Variants in ENKUR observed in about 807,000 individuals in gnomAD.
The protein encoded by ENKUR is enkurin.
ENKUR carries 19 observed loss-of-function variants against 27.6 expected under a neutral mutation model. That is an observed-to-expected ratio of 0.69 (90% CI 0.48 to 1.01). The LOEUF is 1.01. ENKUR is among the 50% of genes least tolerant of loss of function. The probability of loss-of-function intolerance (pLI) is 0.00; values close to 1 mark genes in which losing one functional copy is unlikely to be tolerated. For missense variants in ENKUR, 312 were observed against 310.5 expected, an observed-to-expected ratio of 1.00 and a Z score of -0.04; for synonymous variants, 117 against 96.9, an observed-to-expected ratio of 1.21 and a Z score of -1.22.
intron 2 of ENKUR, chr10:25,023,959 G>A (rs1850781221): frequency 6.2e-7 from 1 of 1,614,078 alleles, no homozygotes; most frequent in Non-Finnish European, 8.5e-7. Context: ...TGAACAGAAG[G>A]TTTCAGCAAA....
At chr10:25,035,783 CA>C (rs1448210666) in intron 2 of ENKUR, among the ~76,000 whole-genome samples, 1 of 152,172 alleles carries the variant, frequency 6.6e-6, no homozygotes, top group Non-Finnish European at 1.5e-5. Flanking sequence ...ATCTGCCTCA[CA>C]ATAAAGAATG....
At chr10:25,029,452 T>C (rs1320163892) in intron 2 of ENKUR, among the ~76,000 whole-genome samples, 1 of 152,198 alleles carries the variant, frequency 6.6e-6, no homozygotes, top group Non-Finnish European at 1.5e-5. Context: ...TAGATTTTAA[T>C]AGCAATTCAC....
intron 4 of ENKUR, among the ~76,000 whole-genome samples, chr10:24,987,016 C>A (rs1849795345): frequency 6.6e-6 from 1 of 152,210 alleles, no homozygotes; most frequent in Non-Finnish European, 1.5e-5. Flanking sequence ...CGCCCACCCC[C>A]AAACATTCTC....
At chr10:25,017,586 C>T (rs899115015), upstream of ENKUR, among the ~76,000 whole-genome samples, 1 of 145,942 alleles carries the variant, frequency 6.9e-6, no homozygotes, top group East Asian at 2.1e-4. Context: ...TGGGCTCTTA[C>T]TGAATTTCAC....
chr10:25,013,701 G>GGGA (rs1455129333), intron 1 of ENKUR, among the ~76,000 whole-genome samples: 1 of 152,212 alleles, frequency 6.6e-6, no homozygotes, highest in Non-Finnish European at 1.5e-5. Context: ...ATAGCACTTT[G>GGGA]GGAGGCAGAG....
At chr10:25,061,819 A>G (rs868176113) in intron 1 of ENKUR, among the ~76,000 whole-genome samples, 3 of 152,108 alleles carry the variant, frequency 2.0e-5, no homozygotes, top group Admixed American at 1.3e-4. Context: ...CAGTCTGAGA[A>G]GTTAGTCTGA....
intron 3 of ENKUR, among the ~76,000 whole-genome samples, chr10:24,992,850 G>A (rs1383978756): frequency 6.6e-6 from 1 of 152,206 alleles, no homozygotes; most frequent in East Asian, 1.9e-4. Flanking sequence ...CAGTATTCTG[G>A]TCAGCTGGTG....
chr10:25,027,357 C>CAAAAAAA lies in ENKUR; in HGVS notation c.38-31495_38-31489dup, dbSNP rs71399946. ...GGGTGACAGAGCAAGACTCCCGTCTCAAAAAAAAAAAAAAAAAAAAAAAAA... is the reference window on the plus strand; with the variant it reads ...GGGTGACAGAGCAAGACTCCCGTCTCAAAAAAAAAAAAAAAAAAAAAAAAAAAAAAAA... On this transcript the variant is annotated intron_variant, in intron 2 of 5. Transcript: ENST00000615958. 1.4e-3 allele frequency among the ~76,000 whole-genome samples: 70 copies of CAAAAAAA among 48,492 alleles called. 6 individuals are homozygous for CAAAAAAA. Among genetic ancestry groups the CAAAAAAA allele is most frequent in the African/African-American group, 7.1e-3 (66 of 9,248 alleles). 31.8% of individuals were successfully genotyped at this position (48,492 alleles called of 152,430 possible). A position where few individuals can be genotyped will look rare whatever the true frequency, so the allele number is the denominator to read the frequency against.
chr10:25,016,494 G>C (rs1850578771), upstream of ENKUR, among the ~76,000 whole-genome samples: 1 of 152,222 alleles, frequency 6.6e-6, no homozygotes, highest in African/African-American at 2.4e-5. Context: ...GAGGACGCAA[G>C]GCCAGCGCCG....
Position 24,982,341 on chromosome 10 carries a change from G to C in ENKUR, c.*2029C>G, listed in dbSNP as rs2307047. Reference sequence around the variant, plus strand: ...GATCTCAGAGGTCTCTAGTACCTCAGTACTATGGGAATGCCAGTTACAGTG... The same window carrying C: ...GATCTCAGAGGTCTCTAGTACCTCACTACTATGGGAATGCCAGTTACAGTG... On this transcript the variant is annotated 3_prime_UTR_variant, in exon 6 of 6. Coordinates refer to ENST00000331161, the MANE Select transcript of ENKUR (RefSeq NM_145010.4). 6.6e-6 allele frequency: 1 copy of C among 151,306 alleles called. No individual in the cohort carries two copies. Among genetic ancestry groups the C allele is most frequent in the Non-Finnish European group, 1.5e-5 (1 of 67,830 alleles). 9.4% of individuals were successfully genotyped at this position (151,306 alleles called of 1,614,324 possible). A position where few individuals can be genotyped will look rare whatever the true frequency, so the allele number is the denominator to read the frequency against.
intron 2 of ENKUR, among the ~76,000 whole-genome samples, chr10:25,027,927 C>T (rs973413262): frequency 6.6e-6 from 1 of 152,072 alleles, no homozygotes; most frequent in African/African-American, 2.4e-5. Context: ...AAAATTCAGT[C>T]GTACAAGCAA....
intron 2 of ENKUR, among the ~76,000 whole-genome samples, chr10:25,051,054 G>GT (rs1851182305): frequency 1.3e-5 from 2 of 150,750 alleles, no homozygotes; most frequent in South Asian, 4.4e-4. Flanking sequence ...TGAAAATTAT[G>GT]TATTTTATGT....
intron 1 of ENKUR, among the ~76,000 whole-genome samples, chr10:25,008,819 T>C (rs978096570): frequency 6.6e-6 from 1 of 152,290 alleles, no homozygotes; most frequent in Non-Finnish European, 1.5e-5. Flanking sequence ...ATGTTTATTG[T>C]GGCACTATTC....
intron 2 of ENKUR, among the ~76,000 whole-genome samples, chr10:25,057,525 C>T (rs1032560376): frequency 6.6e-6 from 1 of 151,954 alleles, no homozygotes; most frequent in African/African-American, 2.4e-5. Flanking sequence ...AAAGTGATAA[C>T]ATTTTATTCA....
chr10:25,007,953 A>C (rs1850352985), intron 1 of ENKUR, among the ~76,000 whole-genome samples: 2 of 149,304 alleles, frequency 1.3e-5, no homozygotes, highest in Admixed American at 6.7e-5. Context: ...ACACATCTTC[A>C]TTTGTGTGCC....
chr10:25,015,791 T>G (rs906589564), intron 1 of ENKUR, 69 bp downstream of exon 1: 11 of 1,374,636 alleles, frequency 8.0e-6, no homozygotes, highest in Middle Eastern at 2.0e-4. Flanking sequence ...TTCCAGTATA[T>G]GTATGCTTAA....
At chr10:25,044,654 C>T (rs188110504) in intron 2 of ENKUR, among the ~76,000 whole-genome samples, 7 of 152,328 alleles carry the variant, frequency 4.6e-5, no homozygotes, top group Admixed American at 4.6e-4. Context: ...GCCTTGGCCT[C>T]CCAAAGTGCT....
upstream of ENKUR, among the ~76,000 whole-genome samples, chr10:25,018,518 A>G (rs1280189030): frequency 6.6e-6 from 1 of 152,218 alleles, no homozygotes; most frequent in Non-Finnish European, 1.5e-5. Flanking sequence ...GAGCACATGA[A>G]TGACTGAAGT....
intron 1 of ENKUR, among the ~76,000 whole-genome samples, chr10:25,012,530 G>A (rs979374785): frequency 6.6e-6 from 1 of 152,226 alleles, no homozygotes; most frequent in East Asian, 1.9e-4. Flanking sequence ...GCGTGACCTG[G>A]ATGTGAGACA....
Sources: gnomAD v4.1 joint callset for allele counts (sites outside exome capture counted in the v4.1 genomes callset) on GRCh38, gnomAD v4.1.1 for gene constraint, MANE v1.5 for transcripts, NCBI Gene and HGNC (gene_info 2026-07-23, HGNC 2026-07-21) for gene names.